RILPL1: variants seen among roughly 807,000 people sequenced by gnomAD.
RILPL1 encodes RILP-like protein 1.
RILPL1 carries 33 observed loss-of-function variants against 50.3 expected under a neutral mutation model. The ratio of observed to expected loss-of-function variants is 0.66; its 90% CI spans 0.50 to 0.88. The LOEUF (loss-of-function observed/expected upper bound fraction) is 0.88. Ranked by LOEUF, RILPL1 falls within the 40% of genes least tolerant of loss-of-function variation. The probability of loss-of-function intolerance (pLI) is 0.00; values close to 1 mark genes in which losing one functional copy is unlikely to be tolerated. For missense variants in RILPL1, 418 were observed against 542.5 expected, an observed-to-expected ratio of 0.77 and a Z score of 2.28; for synonymous variants, 205 against 228.6, an observed-to-expected ratio of 0.90 and a Z score of 0.93.
At chr12:123,513,794 TACAC>T (rs2139370667) in intron 2 of RILPL1, 1 of 152,320 alleles carries the variant, frequency 6.6e-6, no homozygotes, top group East Asian at 1.9e-4. Context: ...TGAGCCATCA[TACAC>T]ACCCAGCAAT....
At chr12:123,532,114 G>C (rs1885458178) in intron 1 of RILPL1, among the ~76,000 whole-genome samples, 1 of 152,192 alleles carries the variant, frequency 6.6e-6, no homozygotes. Context: ...CACAATAAGG[G>C]ATGGCCTGCC....
Position 123,533,531 on chromosome 12 carries a change from A to C in RILPL1, c.-49T>G. On this transcript the variant is annotated 5_prime_UTR_variant, in exon 1 of 7. Coordinates refer to ENST00000376874, the MANE Select transcript of RILPL1 (RefSeq NM_178314.5). The surrounding 1 kb of genome is among the most constrained non-coding windows in gnomAD (Gnocchi z 6.2). ...CGCCCCGCAAACTCGTGCAACTCCC[A>C]AACTTGCCGCTGTCGAGGGCCGGGC... 1 of 1,418,632 alleles carries C rather than the reference A, an allele frequency of 7.0e-7. No individual in the cohort carries two copies. Among genetic ancestry groups the C allele is most frequent in the Non-Finnish European group, 9.3e-7 (1 of 1,076,732 alleles). 87.9% of individuals were successfully genotyped at this position (1,418,632 alleles called of 1,614,324 possible).
intron 4 of RILPL1, among the ~76,000 whole-genome samples, chr12:123,494,044 C>T (rs1327904971): frequency 1.3e-5 from 2 of 152,092 alleles, no homozygotes; most frequent in Non-Finnish European, 2.9e-5. Context: ...CTTGGCCTCC[C>T]CAAGTGCTGG....
intron 6 of RILPL1, among the ~76,000 whole-genome samples, chr12:123,483,385 C>A (rs749599390): frequency 4.2e-4 from 64 of 152,216 alleles, no homozygotes; most frequent in Non-Finnish European, 7.6e-4. Context: ...GCTTCCACCC[C>A]ACAACACCAT....
chr12:123,507,926 A>G (rs1273191878), intron 2 of RILPL1, among the ~76,000 whole-genome samples: 2 of 136,904 alleles, frequency 1.5e-5, no homozygotes, highest in Admixed American at 7.8e-5. Context: ...GGGCAAAGAG[A>G]GTGAAACTCC....
At chr12:123,503,167 G>A (rs1287797066) in intron 2 of RILPL1, among the ~76,000 whole-genome samples, 6 of 136,632 alleles carry the variant, frequency 4.4e-5, no homozygotes, top group South Asian at 2.5e-4. Flanking sequence ...ATTTACAGGC[G>A]TGAACCACCA....
Position 123,530,367 on chromosome 12 carries a change from T to C in RILPL1, c.309+2807A>G, listed in dbSNP as rs145432176. On this transcript the variant is annotated intron_variant, in intron 1 of 6. Coordinates refer to ENST00000376874, the MANE Select transcript of RILPL1 (RefSeq NM_178314.5). The stretch of plus-strand genomic sequence containing the variant: ...TTTTAGTAGAAATGGGGTTTTGCCA[T>C]ATTGGCCAAGCTGGTCTTGAATTCC... Among the ~76,000 whole-genome samples the C allele has an allele frequency of 9.8e-4, 149 of 152,324 alleles. 2 individuals carry two copies. In the East Asian group the frequency reaches 0.027, roughly 28 times the overall value.
In RILPL1 at chr12:123,521,670, TAAATATATATATATAC is replaced by T. The variant is rs1566144491; in HGVS notation, c.460+1809_460+1824del. ...ATATATACACATATATGTATATATA[TAAATATATATATATAC>T]ACACATATATGTATATATATATAAA... On this transcript the variant is annotated intron_variant, in intron 2 of 6. Coordinates refer to ENST00000376874, the MANE Select transcript of RILPL1 (RefSeq NM_178314.5). Among the ~76,000 whole-genome samples the T allele has an allele frequency of 8.3e-3, 144 of 17,386 alleles. 2 individuals are homozygous for T. Among genetic ancestry groups the T allele is most frequent in the Middle Eastern group, 0.048 (2 of 42 alleles). 11.4% of individuals were successfully genotyped at this position (17,386 alleles called of 152,430 possible).
intron 6 of RILPL1, among the ~76,000 whole-genome samples, chr12:123,481,486 A>C (rs1226344913): frequency 6.6e-6 from 1 of 152,126 alleles, no homozygotes; most frequent in Non-Finnish European, 1.5e-5. Context: ...GGTGGAGGAA[A>C]CAAGGCCTGG....
chr12:123,522,555 T>A lies in RILPL1; in HGVS notation c.460+940A>T, dbSNP rs1284190437. Among the ~76,000 whole-genome samples, 3 of 152,146 alleles carry A rather than the reference T, an allele frequency of 2.0e-5. No homozygotes were observed. The highest frequency in any genetic ancestry group is 4.4e-5 in the Non-Finnish European group (3 of 68,016). Reference sequence around the variant, plus strand: ...AAGGAGCTACATGAACTGACCCCTGTGACCTCATTTCCAGCCTCCTGAGGC... The same window carrying A: ...AAGGAGCTACATGAACTGACCCCTGAGACCTCATTTCCAGCCTCCTGAGGC... On this transcript the variant is annotated intron_variant, in intron 2 of 6. Transcript: ENST00000376874. The surrounding 1 kb of genome is among the most constrained non-coding windows in gnomAD (Gnocchi z 4.0).
intron 2 of RILPL1, 52 bp downstream of exon 2, chr12:123,523,443 A>C (rs906639394): frequency 1.2e-6 from 2 of 1,609,248 alleles, no homozygotes; most frequent in African/African-American, 2.7e-5. Context: ...TGATGTGGGC[A>C]ATAAGAAAAG....
chr12:123,511,053 GGTGTGTGGGGTCTGTGT>G (rs1884119663), intron 2 of RILPL1, among the ~76,000 whole-genome samples: 2 of 137,698 alleles, frequency 1.5e-5, no homozygotes, highest in African/African-American at 2.7e-5. Flanking sequence ...GTGTGTGTGT[GGTGTGTGGGGTCTGTGT>G]GTGTGTGAGG....
intron 6 of RILPL1, among the ~76,000 whole-genome samples, chr12:123,481,038 T>TC (rs1429283038): frequency 6.6e-6 from 1 of 152,126 alleles, no homozygotes; most frequent in African/African-American, 2.4e-5. Context: ...GAACAGAGAC[T>TC]CTGCACTGGA....
At chr12:123,493,133 CG>C (rs1566121757) in intron 4 of RILPL1, among the ~76,000 whole-genome samples, 1 of 152,126 alleles carries the variant, frequency 6.6e-6, no homozygotes, top group African/African-American at 2.4e-5. Flanking sequence ...TGGAATGTCT[CG>C]GTATAAAACC....
At chr12:123,520,221 T>C (rs1016663425) in intron 2 of RILPL1, among the ~76,000 whole-genome samples, 1 of 152,160 alleles carries the variant, frequency 6.6e-6, no homozygotes, top group African/African-American at 2.4e-5. Context: ...GCAAACGACA[T>C]GCAGTATGGC....
intron 6 of RILPL1, 134 bp downstream of exon 6, chr12:123,484,046 G>C (rs903873396): frequency 1.6e-6 from 1 of 622,074 alleles, no homozygotes; most frequent in African/African-American, 1.8e-5. Context: ...AAAGTCGGGG[G>C]CCAGGCCAGA....
intron 6 of RILPL1, among the ~76,000 whole-genome samples, chr12:123,479,821 C>G (rs1226445544): frequency 6.6e-6 from 1 of 152,188 alleles, no homozygotes; most frequent in Non-Finnish European, 1.5e-5. Flanking sequence ...AGAAGCCAAC[C>G]TAAGTGGGGA....
At chr12:123,530,466 C>T (rs1210418768) in intron 1 of RILPL1, among the ~76,000 whole-genome samples, 1 of 152,192 alleles carries the variant, frequency 6.6e-6, no homozygotes, top group Non-Finnish European at 1.5e-5. Flanking sequence ...CGCGCCCAGC[C>T]AACTTCACTG....
rs771826280 is a variant in RILPL1, at chr12:123,522,556, G to A, written c.460+939C>T. On this transcript the variant is annotated intron_variant, in intron 2 of 6. Coordinates refer to ENST00000376874, the MANE Select transcript of RILPL1 (RefSeq NM_178314.5). The surrounding 1 kb of genome is among the most constrained non-coding windows in gnomAD (Gnocchi z 4.0). Reference sequence around the variant, plus strand: ...AGGAGCTACATGAACTGACCCCTGTGACCTCATTTCCAGCCTCCTGAGGCC... The same window carrying A: ...AGGAGCTACATGAACTGACCCCTGTAACCTCATTTCCAGCCTCCTGAGGCC... 9.9e-5 allele frequency among the ~76,000 whole-genome samples: 15 copies of A among 152,090 alleles called. No individual in the cohort carries two copies. Among genetic ancestry groups the A allele is most frequent in the Admixed American group, 2.6e-4 (4 of 15,272 alleles).
Sources: gnomAD v4.1 joint callset for allele counts (sites outside exome capture counted in the v4.1 genomes callset) on GRCh38, gnomAD v4.1.1 for gene constraint, Gnocchi (gnomAD v3.1) non-coding constraint, MANE v1.5 for transcripts, NCBI Gene and HGNC (gene_info 2026-07-23, HGNC 2026-07-21) for gene names.